Variants in NOS1 observed in about 807,000 individuals in gnomAD.
The protein encoded by NOS1 is nitric oxide synthase 1.
In NOS1, 51 loss-of-function variants were observed where a neutral mutation model predicts 164.5. The observed-to-expected ratio is 0.31, with a 90% confidence interval of 0.25 to 0.39. The LOEUF (loss-of-function observed/expected upper bound fraction) is 0.39, where lower values mean the gene tolerates loss of function less well. Among genes scored for constraint, NOS1 ranks in the 10% least tolerant of loss-of-function variants. The pLI, the probability that NOS1 is intolerant of heterozygous loss-of-function variation, is 1.00. For missense variants in NOS1, 1,362 were observed against 1,885.6 expected (o/e 0.72, Z 5.14); for synonymous variants, 719 against 745.8 (o/e 0.96, Z 0.59).
intron 20 of NOS1, among the ~76,000 whole-genome samples, chr12:117,241,541 G>T (rs979488573): frequency 6.7e-6 from 1 of 149,644 alleles, no homozygotes; most frequent in Admixed American, 6.7e-5. Flanking sequence ...ACAGCACAGT[G>T]AACTATGCTG....
chr12:117,225,349 C>T (rs1260879249), intron 24 of NOS1, among the ~76,000 whole-genome samples: 2 of 152,146 alleles, frequency 1.3e-5, no homozygotes, highest in East Asian at 1.9e-4. Flanking sequence ...GCTATTTCTC[C>T]ATTCCCCAAT....
At chr12:117,239,111 A>G (rs1365685656) in intron 20 of NOS1, among the ~76,000 whole-genome samples, 1 of 152,190 alleles carries the variant, frequency 6.6e-6, no homozygotes, top group Non-Finnish European at 1.5e-5. Flanking sequence ...ATGACACTGG[A>G]AGTTTTGGCT....
chr12:117,233,297 C>T (rs1474743078), intron 21 of NOS1, among the ~76,000 whole-genome samples: 4 of 151,906 alleles, frequency 2.6e-5, no homozygotes, highest in Non-Finnish European at 5.9e-5. Context: ...GATCCACCTG[C>T]CTCAGCCTCC....
At chr12:117,249,931 C>G (rs1870954851) in intron 17 of NOS1, among the ~76,000 whole-genome samples, 1 of 152,168 alleles carries the variant, frequency 6.6e-6, no homozygotes, top group African/African-American at 2.4e-5. Flanking sequence ...ATACACCCCA[C>G]CTTGCCCCAC....
chr12:117,358,304 G>GAGC (rs1876949531), intron 1 of NOS1, among the ~76,000 whole-genome samples: 1 of 152,100 alleles, frequency 6.6e-6, no homozygotes, highest in Non-Finnish European at 1.5e-5. Flanking sequence ...GACCCACTGG[G>GAGC]AGCAGCCTAA....
At chr12:117,219,977 T>C (rs1956675508) in intron 27 of NOS1, 98 bp downstream of exon 27, 1 of 1,174,294 alleles carries the variant, frequency 8.5e-7, no homozygotes, top group Non-Finnish European at 1.2e-6. Flanking sequence ...AGGGATATCA[T>C]CGTGGCTCCC....
intron 2 of NOS1, among the ~76,000 whole-genome samples, chr12:117,320,963 T>C (rs1207833245): frequency 6.6e-6 from 1 of 152,210 alleles, no homozygotes; most frequent in African/African-American, 2.4e-5. Context: ...ATCACTGTTT[T>C]ATTTCCTTCA....
chr12:117,347,253 C>T (rs1034480006), intron 1 of NOS1, among the ~76,000 whole-genome samples: 7 of 150,358 alleles, frequency 4.7e-5, no homozygotes, highest in Non-Finnish European at 8.8e-5. Context: ...CGCCACTGCA[C>T]TCCAGACTGG....
At chr12:117,232,494 C>T (rs1170181213) in intron 21 of NOS1, among the ~76,000 whole-genome samples, 1 of 152,180 alleles carries the variant, frequency 6.6e-6, no homozygotes, top group Non-Finnish European at 1.5e-5. Context: ...CTCTCACCCC[C>T]TGAATGGGAT....
At chr12:117,347,007 C>T (rs963668063) in intron 1 of NOS1, among the ~76,000 whole-genome samples, 1 of 152,048 alleles carries the variant, frequency 6.6e-6, no homozygotes, top group South Asian at 2.1e-4. Context: ...AGGTTTCAGG[C>T]CGGGCATGGT....
chr12:117,320,688 C>G (rs1459067597), intron 2 of NOS1, among the ~76,000 whole-genome samples: 1 of 152,190 alleles, frequency 6.6e-6, no homozygotes, highest in Non-Finnish European at 1.5e-5. Flanking sequence ...GTTGATGGGC[C>G]CACCCATGTG....
intron 18 of NOS1, 73 bp downstream of exon 18, chr12:117,247,275 G>T: frequency 1.6e-6 from 2 of 1,260,204 alleles, no homozygotes; most frequent in Non-Finnish European, 2.2e-6. Context: ...TTCTCTTCTT[G>T]ATGGTTTAGG....
intron 2 of NOS1, among the ~76,000 whole-genome samples, chr12:117,317,528 G>T (rs527595634): frequency 6.6e-6 from 1 of 151,084 alleles, no homozygotes; most frequent in East Asian, 1.9e-4. Flanking sequence ...GTGCCCCCTG[G>T]GAGGCAAAAT....
chr12:117,302,365 C>A lies in NOS1; in HGVS notation c.852+9101G>T, dbSNP rs187668432. ...ATCCCAGCACTTTGGGAGGCCGAGG[C>A]GGGCGGATCATGAGGTCAGGAGATC... On this transcript the variant is annotated intron_variant, in intron 3 of 28. Transcript: ENST00000317775. 5.9e-3 allele frequency among the ~76,000 whole-genome samples: 902 copies of A among 152,098 alleles called. 5 individuals are homozygous for A. The highest frequency in any genetic ancestry group is 0.01 in the Non-Finnish European group (690 of 67,966).
intron 9 of NOS1, among the ~76,000 whole-genome samples, chr12:117,277,386 AC>A: frequency 6.6e-6 from 1 of 151,504 alleles, no homozygotes; most frequent in African/African-American, 2.4e-5. Context: ...GGAGTCCAAG[AC>A]CAGCCTGGAC....
At chr12:117,338,988 A>G (rs1875968169) in intron 1 of NOS1, among the ~76,000 whole-genome samples, 1 of 152,156 alleles carries the variant, frequency 6.6e-6, no homozygotes, top group Admixed American at 6.5e-5. Flanking sequence ...CCCAACACAA[A>G]CAAAAGACTG....
chr12:117,280,935 G>T, intron 7 of NOS1, 69 bp from the exon 8 acceptor site: 3 of 1,553,098 alleles, frequency 1.9e-6, no homozygotes, highest in Non-Finnish European at 1.8e-6. Context: ...ACTAAACATG[G>T]CGCCACCCAG....
chr12:117,255,411 A>G (rs1241228474), intron 16 of NOS1, among the ~76,000 whole-genome samples: 1 of 152,252 alleles, frequency 6.6e-6, no homozygotes, highest in African/African-American at 2.4e-5. Flanking sequence ...AATTAAAAAA[A>G]GAGAGAAAAA....
At position 117,214,502 on chromosome 12, in the gene NOS1, C is replaced by T. The variant is rs1956573125; in HGVS notation, c.*807G>A. The T allele has an allele frequency of 1.0e-6, 1 of 985,214 alleles. No homozygotes were observed. The highest frequency in any genetic ancestry group is 1.2e-6 in the Non-Finnish European group (1 of 829,938). The allele number at this position is 985,214 out of a possible 1,614,324, so 61.0% of individuals were successfully genotyped here. ...GGTTTGGGGAGGGGATTTGCACAAT[C>T]CATTGGATGGGTTCATGTCACATGA... On this transcript the variant is annotated 3_prime_UTR_variant, in exon 29 of 29. Transcript: ENST00000317775.
Sources: gnomAD v4.1 joint callset for allele counts (sites outside exome capture counted in the v4.1 genomes callset) on GRCh38, gnomAD v4.1.1 for gene constraint, MANE v1.5 for transcripts, NCBI Gene and HGNC (gene_info 2026-07-23, HGNC 2026-07-21) for gene names.